The following SAMD4A variants were observed in gnomAD, a reference collection of about 807,000 sequenced individuals.
The protein encoded by SAMD4A is protein Smaug homolog 1.
Under a neutral mutation model 81.3 loss-of-function variants are expected in SAMD4A, and 33 were observed. The ratio of observed to expected loss-of-function variants is 0.41; its 90% CI spans 0.31 to 0.54. SAMD4A has a LOEUF of 0.54. Ranked by LOEUF, SAMD4A falls within the 20% of genes least tolerant of loss-of-function variation. The pLI is 0.37. For missense variants in SAMD4A, 854 were observed against 951.1 expected (o/e 0.90, Z 1.34); for synonymous variants, 389 against 382.1 (o/e 1.02, Z -0.21).
At chr14:54,674,215 T>G (rs2035943070) in intron 2 of SAMD4A, among the ~76,000 whole-genome samples, 1 of 152,266 alleles carries the variant, frequency 6.6e-6, no homozygotes, top group African/African-American at 2.4e-5. Flanking sequence ...TTGTCTCATT[T>G]AAGCAGTAAA....
upstream of SAMD4A, among the ~76,000 whole-genome samples, chr14:54,565,415 G>A (rs2140084961): frequency 6.6e-6 from 1 of 152,344 alleles, no homozygotes; most frequent in East Asian, 1.9e-4. This position sits in a 1 kb window ranked among gnomAD's most constrained non-coding sequence, Gnocchi z 5.4. Context: ...GCGCCGGGCC[G>A]GCCTCTAGGA....
intron 2 of SAMD4A, among the ~76,000 whole-genome samples, chr14:54,652,184 G>C (rs1027337787): frequency 1.2e-4 from 19 of 152,300 alleles, no homozygotes; most frequent in Middle Eastern, 3.4e-3. Flanking sequence ...AGTAGCCTGG[G>C]AATCATGGCA....
intron 11 of SAMD4A, among the ~76,000 whole-genome samples, chr14:54,778,357 T>C (rs1198462858): frequency 2.0e-5 from 3 of 152,244 alleles, no homozygotes; most frequent in Non-Finnish European, 4.4e-5. Flanking sequence ...CCCTCCACTA[T>C]CTCACAGCAA....
At position 54,788,952 on chromosome 14, in the gene SAMD4A, A is replaced by G. The variant is rs2039210597; in HGVS notation, c.*8A>G. 1.9e-6 allele frequency: 3 copies of G among 1,614,152 alleles called. No homozygotes were observed. The highest frequency in any genetic ancestry group is 4.5e-5 in the East Asian group (2 of 44,872). ...CGGACCTCCACCATCTAGAAGCTGA[A>G]GACGAGAGTGACCGCGCTGGCCGTG... is the stretch of plus-strand genomic sequence containing the variant. On this transcript the variant is annotated 3_prime_UTR_variant, in exon 13 of 13. Coordinates refer to ENST00000554335, the MANE Select transcript of SAMD4A (RefSeq NM_015589.6).
chr14:54,672,175 T>C (rs2035899258), intron 2 of SAMD4A, among the ~76,000 whole-genome samples: 1 of 152,068 alleles, frequency 6.6e-6, no homozygotes, highest in African/African-American at 2.4e-5. Flanking sequence ...TTCTCCCACT[T>C]CAGCTTTTGG....
intron 2 of SAMD4A, chr14:54,693,572 G>A (rs2884684): frequency 0.85 from 129,099 of 152,214 alleles, 55,892 homozygotes; most frequent in Non-Finnish European, 0.94. Context: ...AGTCCGAGCT[G>A]CTTAGGATGT....
intron 2 of SAMD4A, among the ~76,000 whole-genome samples, chr14:54,675,478 A>G (rs1440197706): frequency 6.6e-6 from 1 of 152,132 alleles, no homozygotes; most frequent in Non-Finnish European, 1.5e-5. Flanking sequence ...TCAAACTTTA[A>G]ACTTATTCCT....
chr14:54,595,207 T>C (rs1165391065), intron 2 of SAMD4A, among the ~76,000 whole-genome samples: 1 of 152,184 alleles, frequency 6.6e-6, no homozygotes, highest in Non-Finnish European at 1.5e-5. Flanking sequence ...ATAGCCATTT[T>C]AGTTCACTCT....
chr14:54,736,249 T>C (rs986581958), intron 3 of SAMD4A, among the ~76,000 whole-genome samples: 7 of 152,226 alleles, frequency 4.6e-5, no homozygotes, highest in Non-Finnish European at 7.3e-5. Context: ...TGTTGCCCAC[T>C]GTGTAGAAGG....
intron 2 of SAMD4A, among the ~76,000 whole-genome samples, chr14:54,648,360 T>G (rs1346693582): frequency 6.6e-6 from 1 of 152,156 alleles, no homozygotes; most frequent in Non-Finnish European, 1.5e-5. Flanking sequence ...CAACTTATTG[T>G]GGGTTGAAGT....
intron 2 of SAMD4A, chr14:54,694,553 G>C (rs1486707837): frequency 3.5e-6 from 3 of 855,922 alleles, no homozygotes; most frequent in African/African-American, 1.8e-5. Context: ...GGGTGCAGTT[G>C]GAGTGTGAAT....
intron 2 of SAMD4A, among the ~76,000 whole-genome samples, chr14:54,597,111 T>C (rs1036568785): frequency 1.3e-5 from 2 of 151,972 alleles, no homozygotes; most frequent in African/African-American, 2.4e-5. Flanking sequence ...TTTCTTTTTT[T>C]TTTTTTTTGA....
chr14:54,659,611 C>T (rs1188349408), intron 2 of SAMD4A, among the ~76,000 whole-genome samples: 1 of 152,124 alleles, frequency 6.6e-6, no homozygotes, highest in Admixed American at 6.5e-5. Flanking sequence ...GGTTATTCTA[C>T]GTGATGCTTT....
chr14:54,669,010 G>C (rs1412347409), intron 2 of SAMD4A, among the ~76,000 whole-genome samples: 1 of 152,244 alleles, frequency 6.6e-6, no homozygotes, highest in Non-Finnish European at 1.5e-5. Flanking sequence ...AGGCCATAGA[G>C]CAGAGGACAT....
chr14:54,688,931 C>CTTTTTTTTTTTTT lies in SAMD4A; in HGVS notation c.197-13126_197-13114dup, dbSNP rs71127666. ...AGAGAGGGTCCCAGAAGTCGTAATT[C>CTTTTTTTTTTTTT]TTTTTTTTTTTTTTTTTGAGGCGGA... On this transcript the variant is annotated intron_variant, in intron 2 of 12. Coordinates refer to ENST00000554335, the MANE Select transcript of SAMD4A (RefSeq NM_015589.6). 2.2e-4 allele frequency among the ~76,000 whole-genome samples: 25 copies of CTTTTTTTTTTTTT among 116,078 alleles called. 1 individual carries two copies. The highest frequency in any genetic ancestry group is 2.9e-4 in the South Asian group (1 of 3,420). 76.2% of individuals were successfully genotyped at this position (116,078 alleles called of 152,430 possible).
In SAMD4A at chr14:54,754,775, T is replaced by C. The variant is rs141133719; in HGVS notation, c.1176+3238T>C. 461 of 967,706 alleles carry C rather than the reference T, an allele frequency of 4.8e-4. 1 individual carries two copies. The highest frequency in any genetic ancestry group is 4.4e-3 in the African/African-American group (251 of 57,224). The allele number at this position is 967,706 out of a possible 1,614,324, so 59.9% of individuals were successfully genotyped here. A position where few individuals can be genotyped will look rare whatever the true frequency, so the allele number is the denominator to read the frequency against. ...AAGGAGATAGCTGGGGCCCCGCCCA[T>C]AGTTAGTTCATAATCAGTGGTGGCT... On this transcript the variant is annotated intron_variant, in intron 6 of 12. Transcript: ENST00000554335.
Position 54,789,124 on chromosome 14 carries a change from C to A in SAMD4A, c.*180C>A. 1.7e-6 allele frequency: 1 copy of A among 599,484 alleles called. No homozygotes were observed. The allele number at this position is 599,484 out of a possible 1,614,324, so 37.1% of individuals were successfully genotyped here. On this transcript the variant is annotated 3_prime_UTR_variant, in exon 13 of 13. Transcript: ENST00000554335. ...CATCCTCGTAAACATATCAGTAGACCTGGGGTTGGTTATTTTGTCATTTGT... is the reference window on the plus strand; with the variant it reads ...CATCCTCGTAAACATATCAGTAGACATGGGGTTGGTTATTTTGTCATTTGT...
At chr14:54,619,789 C>T (rs1303978033) in intron 2 of SAMD4A, among the ~76,000 whole-genome samples, 1 of 152,164 alleles carries the variant, frequency 6.6e-6, no homozygotes, top group Non-Finnish European at 1.5e-5. Flanking sequence ...TGGCCTCCAG[C>T]TCCATCCATG....
At chr14:54,763,811 G>A (rs188055670) in intron 7 of SAMD4A, among the ~76,000 whole-genome samples, 7 of 152,298 alleles carry the variant, frequency 4.6e-5, no homozygotes, top group South Asian at 2.1e-4. Context: ...AACCTAGTGC[G>A]TGTGTATACT....
Sources: gnomAD v4.1 joint callset for allele counts (sites outside exome capture counted in the v4.1 genomes callset) on GRCh38, gnomAD v4.1.1 for gene constraint, Gnocchi (gnomAD v3.1) non-coding constraint, MANE v1.5 for transcripts, NCBI Gene and HGNC (gene_info 2026-07-23, HGNC 2026-07-21) for gene names.